SLC9A6: variants seen among roughly 807,000 people sequenced by gnomAD.
The protein encoded by SLC9A6 is sodium/hydrogen exchanger 6.
In SLC9A6, 6 loss-of-function variants were observed where a neutral mutation model predicts 45.3. The observed-to-expected ratio is 0.13, with a 90% CI of 0.07 to 0.26. SLC9A6 has a LOEUF of 0.26. Among genes scored for constraint, SLC9A6 ranks in the 10% least tolerant of loss-of-function variants. The pLI, the probability that SLC9A6 is intolerant of heterozygous loss-of-function variation, is 1.00. For synonymous variants in SLC9A6, 191 were observed against 187.7 expected (o/e 1.02, Z -0.14); for missense variants, 278 against 503.7 (o/e 0.55, Z 4.29).
At chrX:136,042,177 ATT>A (rs782747805) in intron 17 of SLC9A6, among the ~76,000 whole-genome samples, 2 of 98,796 alleles carry the variant, frequency 2.0e-5, no homozygotes, top group Non-Finnish European at 2.1e-5. Context: ...ATCACACTTA[ATT>A]TTTTTTTTTT....
At chrX:135,985,366 G>A (rs989668138), upstream of SLC9A6, 2 of 356,484 alleles carry the variant, frequency 5.6e-6, no homozygotes, top group African/African-American at 2.7e-5. Flanking sequence ...GGGATGCCGC[G>A]GCCCCTTTAA....
At chrX:135,973,956 A>G, upstream of SLC9A6, 1 of 1,091,825 alleles carries the variant, frequency 9.2e-7, no homozygotes, top group Non-Finnish European at 1.2e-6. Context: ...ATAAACGAAG[A>G]GGCGAAAGCG....
At chrX:135,986,084 C>A (rs1031075771) in intron 2 of SLC9A6, among the ~76,000 whole-genome samples, 3 of 110,098 alleles carry the variant, frequency 2.7e-5, no homozygotes, top group Non-Finnish European at 5.7e-5. Flanking sequence ...GCACCCCCAG[C>A]CCCCCACCCT....
intron 16 of SLC9A6, among the ~76,000 whole-genome samples, chrX:136,036,794 C>T (rs2071419890): frequency 8.9e-6 from 1 of 112,894 alleles, no homozygotes; most frequent in Non-Finnish European, 1.9e-5. Context: ...CTTCCATATC[C>T]CAAGGTCGTG....
intron 16 of SLC9A6, among the ~76,000 whole-genome samples, chrX:136,038,755 T>A (rs782050599): frequency 9.1e-6 from 1 of 109,948 alleles, no homozygotes; most frequent in East Asian, 2.8e-4. Context: ...TTTCTTTTTT[T>A]AAAACCATTT....
chrX:136,030,436 T>A, intron 15 of SLC9A6: 1 of 365,009 alleles, frequency 2.7e-6, no homozygotes, highest in Non-Finnish European at 4.8e-6. Flanking sequence ...AGCAGTCTTT[T>A]AAGCACTCCT....
At chrX:136,033,822 G>T (rs900500986) in intron 16 of SLC9A6, among the ~76,000 whole-genome samples, 2 of 112,116 alleles carry the variant, frequency 1.8e-5, no homozygotes, top group African/African-American at 6.5e-5. Context: ...GAATCCCACA[G>T]AAGGTATTTC....
chrX:136,031,379 G>A (rs782491888), intron 15 of SLC9A6, among the ~76,000 whole-genome samples: 4 of 112,418 alleles, frequency 3.6e-5, no homozygotes, highest in Non-Finnish European at 5.6e-5. Flanking sequence ...CAGAACAAAG[G>A]ACCGTTTTTT....
At chrX:136,034,880 T>C (rs1443173007) in intron 16 of SLC9A6, among the ~76,000 whole-genome samples, 1 of 112,111 alleles carries the variant, frequency 8.9e-6, no homozygotes, top group Non-Finnish European at 1.9e-5. Context: ...GTCAGGGTTT[T>C]GGATATAAGC....
intron 16 of SLC9A6, among the ~76,000 whole-genome samples, chrX:136,039,219 A>G (rs2071464435): frequency 9.2e-6 from 1 of 109,172 alleles, no homozygotes; most frequent in South Asian, 4.0e-4. Context: ...AATAAAAAAA[A>G]ATTAGTTGGG....
chrX:135,989,036 A>G (rs1556615334), intron 2 of SLC9A6, among the ~76,000 whole-genome samples: 1 of 111,259 alleles, frequency 9.0e-6, no homozygotes, highest in East Asian at 2.8e-4. Flanking sequence ...ATTTTTCAGC[A>G]TGACTCTGGG....
intron 1 of SLC9A6, among the ~76,000 whole-genome samples, chrX:135,975,977 TAACCAA>T (rs1332661563): frequency 4.7e-5 from 1 of 21,067 alleles, no homozygotes; most frequent in East Asian, 1.0e-3. Context: ...ACCCTTTCTC[TAACCAA>T]AAAAAAAAAA....
chrX:135,982,700 C>T (rs1424636791), upstream of SLC9A6, among the ~76,000 whole-genome samples: 2 of 111,711 alleles, frequency 1.8e-5, no homozygotes, highest in Non-Finnish European at 3.8e-5. Flanking sequence ...TCTTGAACTC[C>T]TGGGCTCAAG....
At chrX:136,042,877 C>T (rs2071537738) in intron 17 of SLC9A6, among the ~76,000 whole-genome samples, 1 of 111,285 alleles carries the variant, frequency 9.0e-6, no homozygotes, top group Non-Finnish European at 1.9e-5. Flanking sequence ...TATTCAGTCT[C>T]TTATGGATAG....
chrX:136,017,417 CAA>C (rs1160337741), intron 11 of SLC9A6, among the ~76,000 whole-genome samples: 1 of 72,731 alleles, frequency 1.4e-5, no homozygotes. Context: ...GACCCTGTCT[CAA>C]AAAAAAAAAA....
At chrX:136,012,241 G>A (rs1237790793) in intron 8 of SLC9A6, among the ~76,000 whole-genome samples, 2 of 112,952 alleles carry the variant, frequency 1.8e-5, no homozygotes, top group African/African-American at 6.4e-5. Flanking sequence ...TTTTATAAGT[G>A]AACTGAGGCA....
intron 2 of SLC9A6, among the ~76,000 whole-genome samples, chrX:135,989,379 C>G (rs782295186): frequency 4.5e-5 from 5 of 112,176 alleles, no homozygotes; most frequent in Admixed American, 2.8e-4. Context: ...ACGCACTACA[C>G]TGTGCTTACA....
Position 136,044,829 on chromosome X carries a change from T to C in SLC9A6, c.*105T>C. The C allele has an allele frequency of 1.5e-6, 1 of 687,249 alleles. No homozygotes were observed. Among genetic ancestry groups the C allele is most frequent in the Non-Finnish European group, 2.3e-6 (1 of 431,936 alleles). 56.6% of individuals were successfully genotyped at this position (687,249 alleles called of 1,213,427 possible). A position where few individuals can be genotyped will look rare whatever the true frequency, so the allele number is the denominator to read the frequency against. On this transcript the variant is annotated 3_prime_UTR_variant, in exon 18 of 18. Coordinates refer to ENST00000630721, the MANE Select transcript of SLC9A6 (RefSeq NM_001379110.1). ...TGCATGTCTCTGAATGTGTAAGCTATATAAATGCTATTTATATGGCATAGA... is the reference window on the plus strand; with the variant it reads ...TGCATGTCTCTGAATGTGTAAGCTACATAAATGCTATTTATATGGCATAGA...
chrX:135,976,623 G>GA (rs2089264693), intron 1 of SLC9A6, among the ~76,000 whole-genome samples: 1 of 109,752 alleles, frequency 9.1e-6, no homozygotes, highest in Non-Finnish European at 1.9e-5. Flanking sequence ...AAAGAAAAAA[G>GA]AAAAAAACCC....
Sources: allele counts gnomAD v4.1 joint callset (sites outside exome capture counted in the v4.1 genomes callset), GRCh38; gene constraint gnomAD v4.1.1; transcripts MANE v1.5; gene names NCBI Gene and HGNC (gene_info 2026-07-23, HGNC 2026-07-21).